The following CILK1 variants were observed in gnomAD, a reference collection of about 807,000 sequenced individuals.
The protein encoded by CILK1 is ciliogenesis associated kinase 1, also known as serine/threonine-protein kinase ICK.
CILK1 carries 47 observed loss-of-function variants against 79.2 expected under a neutral mutation model. The observed-to-expected ratio is 0.59, with a 90% CI of 0.47 to 0.76. The LOEUF is 0.76. Ranked by LOEUF, CILK1 falls within the 30% of genes least tolerant of loss-of-function variation. The pLI is 0.00. For missense variants in CILK1, 660 were observed against 769.5 expected, an observed-to-expected ratio of 0.86 and a Z score of 1.68; for synonymous variants, 266 against 275.9, an observed-to-expected ratio of 0.96 and a Z score of 0.36.
At chr6:53,033,621 C>T (rs1385836502) in intron 3 of CILK1, among the ~76,000 whole-genome samples, 1 of 152,122 alleles carries the variant, frequency 6.6e-6, no homozygotes, top group Non-Finnish European at 1.5e-5. Flanking sequence ...ATTAAAATAG[C>T]CCTTTCCTCA....
chr6:53,005,663 T>A (rs936670900), intron 13 of CILK1, among the ~76,000 whole-genome samples: 23 of 152,218 alleles, frequency 1.5e-4, no homozygotes, highest in African/African-American at 4.6e-4. Flanking sequence ...AACATCCTCC[T>A]AATTGGATTC....
At chr6:53,042,203 CTCTTT>C (rs1409373052) in intron 1 of CILK1, among the ~76,000 whole-genome samples, 4 of 152,130 alleles carry the variant, frequency 2.6e-5, no homozygotes, top group African/African-American at 9.7e-5. Flanking sequence ...CTAAATAATG[CTCTTT>C]TCTAATTTCT....
rs899726488 is a variant in CILK1, at chr6:53,002,833, T to A, written c.*2316A>T. 2.6e-5 allele frequency: 4 copies of A among 152,420 alleles called. No homozygotes were observed. The East Asian group carries it at 7.7e-4, about 29-fold the overall frequency. The allele number at this position is 152,420 out of a possible 1,614,324, so 9.4% of individuals were successfully genotyped here. A position where few individuals can be genotyped will look rare whatever the true frequency, so the allele number is the denominator to read the frequency against. On this transcript the variant is annotated 3_prime_UTR_variant, in exon 14 of 14. Coordinates refer to ENST00000676107, the MANE Select transcript of CILK1 (RefSeq NM_014920.5). The stretch of plus-strand genomic sequence containing the variant: ...AAGTATTAGAAAAACAATTTTATAA[T>A]GTGCAATAATCAGGTAACTAGGTTT...
chr6:53,041,110 T>C (rs1236807463), intron 2 of CILK1, 26 bp downstream of exon 2: 1 of 1,448,316 alleles, frequency 6.9e-7, no homozygotes, highest in South Asian at 1.1e-5. Context: ...GTTAAAATTA[T>C]CATGGCAGTG....
At chr6:53,052,975 C>T (rs1201015081) in intron 1 of CILK1, among the ~76,000 whole-genome samples, 2 of 147,300 alleles carry the variant, frequency 1.4e-5, no homozygotes, top group Admixed American at 6.8e-5. Context: ...TGTGTGCCTT[C>T]ATAGCCACTT....
chr6:53,039,503 G>C (rs941379390), intron 2 of CILK1, among the ~76,000 whole-genome samples: 2 of 152,328 alleles, frequency 1.3e-5, no homozygotes, highest in South Asian at 2.1e-4. Flanking sequence ...TGAGAAAAGA[G>C]AGGTAGGGAA....
Position 53,019,459 on chromosome 6 carries a change from G to C in CILK1, c.359-100C>G, listed in dbSNP as rs1045495522. On this transcript the variant is annotated intron_variant, in intron 5 of 13. Transcript: ENST00000676107. ...CTGCAAAATAGTTATAATTTAAAAA[G>C]TAGTCTGGCATGGCACCAAAGGCTT... 5 of 1,372,546 alleles carry C rather than the reference G, an allele frequency of 3.6e-6. No individual in the cohort carries two copies. The South Asian group carries it at 4.9e-5, about 14-fold the overall frequency. 85.0% of individuals were successfully genotyped at this position (1,372,546 alleles called of 1,614,324 possible).
chr6:53,033,790 T>C (rs1429313086), intron 3 of CILK1, among the ~76,000 whole-genome samples: 1 of 152,134 alleles, frequency 6.6e-6, no homozygotes, highest in Non-Finnish European at 1.5e-5. Context: ...GTTCAAAGCT[T>C]GGGAATGTGT....
intron 5 of CILK1, among the ~76,000 whole-genome samples, chr6:53,025,934 C>T (rs1483509632): frequency 3.9e-5 from 6 of 152,118 alleles, no homozygotes; most frequent in Admixed American, 3.3e-4. Flanking sequence ...TTTAACATGA[C>T]ATTACTATTT....
chr6:53,015,138 G>A (rs1764818922), intron 8 of CILK1, among the ~76,000 whole-genome samples: 1 of 152,008 alleles, frequency 6.6e-6, no homozygotes, highest in Non-Finnish European at 1.5e-5. Context: ...CCACCACATT[G>A]GCACTTTTCT....
In CILK1 at chr6:53,009,549, C is replaced by A; in HGVS notation, c.1511G>T (p.Gly504Val). 1 of 1,609,592 alleles carries A rather than the reference C, an allele frequency of 6.2e-7. No individual in the cohort carries two copies. The highest frequency in any genetic ancestry group is 8.5e-7 in the Non-Finnish European group (1 of 1,175,878). Reference protein sequence around the residue: ...RYLPGISIRNGILSNPGKEFI... With the variant: ...RYLPGISIRNVILSNPGKEFI... ...TTCCTTGCCTGGATTCGAGAGTATG[C>A]CATTTCTTATACTGATCCCTGATAG... The change falls in exon 12 of 14, where the codon GGC (glycine) becomes GTC (valine). Residue 504 changes from glycine to valine, a missense_variant. Gly to Val is a moderately radical substitution (Grantham distance 109). Transcript: ENST00000676107.
At chr6:53,061,234 G>T (rs1768424126) in intron 1 of CILK1, among the ~76,000 whole-genome samples, 1 of 152,178 alleles carries the variant, frequency 6.6e-6, no homozygotes, top group Non-Finnish European at 1.5e-5. Context: ...AAAAATGGTT[G>T]CAAATAAGTA....
chr6:53,004,805 G>T lies in CILK1; in HGVS notation c.*344C>A. On this transcript the variant is annotated 3_prime_UTR_variant, in exon 14 of 14. Coordinates refer to ENST00000676107, the MANE Select transcript of CILK1 (RefSeq NM_014920.5). ...CAAAATCTGTAGAAAATATTATCTGGAACCCCAAAGGAAAATCAATTAATT... is the reference window on the plus strand; with the variant it reads ...CAAAATCTGTAGAAAATATTATCTGTAACCCCAAAGGAAAATCAATTAATT... 9.3e-6 allele frequency: 2 copies of T among 216,054 alleles called. No homozygotes were observed. Among genetic ancestry groups the T allele is most frequent in the South Asian group, 7.2e-5 (1 of 13,824 alleles). 13.4% of individuals were successfully genotyped at this position (216,054 alleles called of 1,614,324 possible).
In CILK1 at chr6:53,011,873, G is replaced by C. The variant is rs749958217; in HGVS notation, c.1388C>G (p.Thr463Arg). 1.2e-6 allele frequency: 2 copies of C among 1,614,138 alleles called. No homozygotes were observed. The highest frequency in any genetic ancestry group is 1.7e-6 in the Non-Finnish European group (2 of 1,180,020). Residue 463 changes from threonine to arginine, a missense_variant, in exon 11 of 14, where the codon ACA (threonine) becomes AGA (arginine). Transcript: ENST00000676107. Reference protein sequence around the residue: ...LDLKPSEPVGTGNSAPTQTSY... With the variant: ...LDLKPSEPVGRGNSAPTQTSY... ...CGTCTGGGTGGGGGCACTGTTTCCT[G>C]TGCCCACAGGCTCAGAGGGCTTCAG...
intron 12 of CILK1, among the ~76,000 whole-genome samples, chr6:53,008,951 A>G (rs1225805968): frequency 3.3e-5 from 5 of 152,180 alleles, no homozygotes; most frequent in African/African-American, 1.2e-4. Context: ...CTTGGGACTC[A>G]GTAAATTCAT....
intron 1 of CILK1, among the ~76,000 whole-genome samples, chr6:53,051,464 C>T (rs1385495416): frequency 6.6e-6 from 1 of 152,188 alleles, no homozygotes; most frequent in African/African-American, 2.4e-5. Context: ...TAGAGGGAAT[C>T]CATTCTTTGT....
chr6:53,034,705 TA>T (rs1248344807), intron 3 of CILK1, among the ~76,000 whole-genome samples: 1 of 152,120 alleles, frequency 6.6e-6, no homozygotes. Flanking sequence ...GCAAACAACC[TA>T]ATTGGAAAGT....
intron 1 of CILK1, among the ~76,000 whole-genome samples, chr6:53,045,913 G>A (rs1166775362): frequency 1.3e-5 from 2 of 151,714 alleles, no homozygotes; most frequent in South Asian, 4.2e-4. Flanking sequence ...TAGACAATGG[G>A]AAGTCAATTA....
At chr6:53,050,386 A>G (rs1485821149) in intron 1 of CILK1, among the ~76,000 whole-genome samples, 3 of 151,828 alleles carry the variant, frequency 2.0e-5, no homozygotes, top group Non-Finnish European at 4.4e-5. Context: ...GAAGCCAACT[A>G]TTATCTTTTC....
Sources: allele counts gnomAD v4.1 joint callset (sites outside exome capture counted in the v4.1 genomes callset), GRCh38; gene constraint gnomAD v4.1.1; transcripts MANE v1.5; gene names NCBI Gene and HGNC (gene_info 2026-07-23, HGNC 2026-07-21).